Variants in ACAP2 observed in about 807,000 individuals in gnomAD.
ACAP2 encodes arf-GAP with coiled-coil, ANK repeat and PH domain-containing protein 2.
A neutral mutation model predicts 115.8 loss-of-function variants in ACAP2; 39 were observed. That is an observed-to-expected ratio of 0.34 (90% CI 0.26 to 0.44). The LOEUF (loss-of-function observed/expected upper bound fraction) is 0.44. Ranked by LOEUF, ACAP2 falls within the 20% of genes least tolerant of loss-of-function variation. The pLI is 1.00. For missense variants in ACAP2, 662 were observed against 927.6 expected, an observed-to-expected ratio of 0.71 and a Z score of 3.72; for synonymous variants, 289 against 315.8, an observed-to-expected ratio of 0.92 and a Z score of 0.90.
At chr3:195,329,079 CA>C (rs57471736) in intron 8 of ACAP2, among the ~76,000 whole-genome samples, 180 of 93,770 alleles carry the variant, frequency 1.9e-3, no homozygotes, top group Admixed American at 1.8e-3. Context: ...GACTCCGTCT[CA>C]AAAAAAAAAA....
intron 1 of ACAP2, among the ~76,000 whole-genome samples, chr3:195,397,888 T>A (rs1321587380): frequency 6.6e-6 from 1 of 152,218 alleles, no homozygotes; most frequent in Non-Finnish European, 1.5e-5. Context: ...GATCATCACA[T>A]ACTTCCAAAA....
At chr3:195,297,381 C>T (rs529163223) in intron 15 of ACAP2, 100 bp from the exon 16 acceptor site, 1 of 906,532 alleles carries the variant, frequency 1.1e-6, no homozygotes, top group Admixed American at 2.6e-5. Flanking sequence ...TAACTAATCC[C>T]CTTACACATT....
At chr3:195,437,640 C>T (rs1236778701) in intron 1 of ACAP2, among the ~76,000 whole-genome samples, 1 of 151,488 alleles carries the variant, frequency 6.6e-6, no homozygotes, top group Non-Finnish European at 1.5e-5. Flanking sequence ...ATAGTGAAAC[C>T]CCGTCTCTAC....
intron 17 of ACAP2, 39 bp downstream of exon 17, chr3:195,295,669 A>G: frequency 6.2e-7 from 1 of 1,607,080 alleles, no homozygotes; most frequent in South Asian, 1.1e-5. Flanking sequence ...TTTGAGCTTA[A>G]GAAAATAGCT....
At chr3:195,424,261 G>GTGTATATATA (rs1456909404) in intron 1 of ACAP2, among the ~76,000 whole-genome samples, 8 of 54,672 alleles carry the variant, frequency 1.5e-4, no homozygotes, top group South Asian at 7.1e-4. Flanking sequence ...GTGTGTGTGT[G>GTGTATATATA]TATATATATA....
intron 2 of ACAP2, among the ~76,000 whole-genome samples, chr3:195,386,602 T>C (rs191873223): frequency 1.3e-5 from 2 of 151,886 alleles, no homozygotes; most frequent in East Asian, 3.9e-4. Flanking sequence ...TGAGAAAACA[T>C]GGACACAGGG....
chr3:195,324,411 GAA>G (rs1729640745), intron 9 of ACAP2, among the ~76,000 whole-genome samples: 1 of 152,034 alleles, frequency 6.6e-6, no homozygotes, highest in Admixed American at 6.6e-5. Context: ...ACCAGTGAGA[GAA>G]TTAAAGGAAA....
chr3:195,341,330 T>TG (rs1404612771), intron 6 of ACAP2, among the ~76,000 whole-genome samples: 29 of 140,580 alleles, frequency 2.1e-4, no homozygotes, highest in African/African-American at 6.8e-4. Context: ...GGTTTTTTTT[T>TG]TTTTTTTTTT....
At chr3:195,306,852 T>TG (rs1728455300) in intron 12 of ACAP2, 1 of 204,168 alleles carries the variant, frequency 4.9e-6, no homozygotes, top group African/African-American at 2.5e-5. Flanking sequence ...ACTGAATATT[T>TG]AAAAAAAAAA....
rs746739223 is a variant in ACAP2 at position 195,326,840 on chromosome 3, C to A, written c.744+45G>T. The A allele has an allele frequency of 2.0e-6, 3 of 1,538,380 alleles. No homozygotes were observed. The South Asian group carries it at 3.4e-5, about 17-fold the overall frequency. On this transcript the variant is annotated intron_variant, in intron 9 of 22. Transcript: ENST00000326793. ...ACCTTGCATAAACCAACACCCAAGCCATTGTATAAAGTGGAATTAATTTTT... is the reference window on the plus strand; with the variant it reads ...ACCTTGCATAAACCAACACCCAAGCAATTGTATAAAGTGGAATTAATTTTT...
At chr3:195,358,477 A>C (rs1732134895) in intron 4 of ACAP2, among the ~76,000 whole-genome samples, 1 of 152,162 alleles carries the variant, frequency 6.6e-6, no homozygotes, top group African/African-American at 2.4e-5. Flanking sequence ...AACTCAAAGA[A>C]ATACAAGATA....
At chr3:195,341,410 C>T (rs1313162324) in intron 6 of ACAP2, among the ~76,000 whole-genome samples, 3 of 148,038 alleles carry the variant, frequency 2.0e-5, no homozygotes, top group African/African-American at 5.0e-5. Context: ...CTGCAAGCTC[C>T]GCCTCCTGGG....
At chr3:195,411,694 A>T (rs12494883) in intron 1 of ACAP2, among the ~76,000 whole-genome samples, 3,316 of 152,236 alleles carry the variant, frequency 0.022, 114 homozygotes, top group East Asian at 0.1. Context: ...TTCTAGATCA[A>T]ACCACGGAGA....
At chr3:195,378,241 C>G (rs1733698970) in intron 4 of ACAP2, among the ~76,000 whole-genome samples, 1 of 152,158 alleles carries the variant, frequency 6.6e-6, no homozygotes, top group Non-Finnish European at 1.5e-5. Flanking sequence ...GCCTGTAATC[C>G]CAGCACTTTG....
chr3:195,439,036 G>C (rs1318664900), intron 1 of ACAP2, among the ~76,000 whole-genome samples: 1 of 151,256 alleles, frequency 6.6e-6, no homozygotes, highest in African/African-American at 2.4e-5. Flanking sequence ...ACTCCAGCTT[G>C]GGCAACAAGA....
chr3:195,437,606 G>T (rs1253487033), intron 1 of ACAP2, among the ~76,000 whole-genome samples: 1 of 151,958 alleles, frequency 6.6e-6, no homozygotes, highest in African/African-American at 2.4e-5. Context: ...ACAAGGTCAG[G>T]AGTTCAAGAC....
intron 1 of ACAP2, among the ~76,000 whole-genome samples, chr3:195,422,443 T>C (rs935273124): frequency 6.6e-6 from 1 of 152,194 alleles, no homozygotes; most frequent in African/African-American, 2.4e-5. Context: ...TTGTTCCATA[T>C]TGTGACATGC....
intron 8 of ACAP2, among the ~76,000 whole-genome samples, chr3:195,329,077 C>CT (rs1311347751): frequency 8.3e-6 from 1 of 120,948 alleles, no homozygotes; most frequent in African/African-American, 3.0e-5. Flanking sequence ...GAGACTCCGT[C>CT]TCAAAAAAAA....
chr3:195,314,306 G>T (rs1728952083), intron 10 of ACAP2, among the ~76,000 whole-genome samples: 1 of 149,158 alleles, frequency 6.7e-6, no homozygotes, highest in African/African-American at 2.5e-5. Flanking sequence ...CACTCTGGTT[G>T]TCCAGGCTGG....
Sources: allele counts gnomAD v4.1 joint callset (sites outside exome capture counted in the v4.1 genomes callset), GRCh38; gene constraint gnomAD v4.1.1; transcripts MANE v1.5; gene names NCBI Gene and HGNC (gene_info 2026-07-23, HGNC 2026-07-21).